The following SCAPER variants were observed in gnomAD, a reference collection of about 807,000 sequenced individuals.
SCAPER encodes S phase cyclin A-associated protein in the endoplasmic reticulum.
In SCAPER, 98 loss-of-function variants were observed where a neutral mutation model predicts 182.2. That is an observed-to-expected ratio of 0.54 (90% CI 0.46 to 0.64). The LOEUF (loss-of-function observed/expected upper bound fraction) is 0.64, where lower values mean the gene tolerates loss of function less well. Among genes scored for constraint, SCAPER ranks in the 30% least tolerant of loss-of-function variants. The pLI, the probability that SCAPER is intolerant of heterozygous loss-of-function variation, is 0.00. For synonymous variants in SCAPER, 605 were observed against 564.6 expected (o/e 1.07, Z -1.01); for missense variants, 1,432 against 1,690.0 (o/e 0.85, Z 2.68).
intron 21 of SCAPER, among the ~76,000 whole-genome samples, chr15:76,641,747 T>C (rs1259484404): frequency 4.6e-5 from 7 of 152,176 alleles, no homozygotes; most frequent in Non-Finnish European, 1.0e-4. Context: ...AAAATTTGCA[T>C]TTGGTAACAC....
At chr15:76,525,527 C>G (rs1393415109) in intron 23 of SCAPER, among the ~76,000 whole-genome samples, 2 of 152,120 alleles carry the variant, frequency 1.3e-5, no homozygotes, top group East Asian at 3.9e-4. Flanking sequence ...CCCCTCCCTC[C>G]CCTTCTAGTT....
At chr15:76,718,998 A>G (rs2060045882) in intron 17 of SCAPER, among the ~76,000 whole-genome samples, 1 of 152,142 alleles carries the variant, frequency 6.6e-6, no homozygotes, top group Non-Finnish European at 1.5e-5. Context: ...GGAGGTTTCT[A>G]AAGAAATTTA....
At chr15:76,421,279 CCTG>C (rs1262744545) in intron 26 of SCAPER, among the ~76,000 whole-genome samples, 2 of 152,306 alleles carry the variant, frequency 1.3e-5, no homozygotes, top group African/African-American at 4.8e-5. Context: ...CTCTCCAGCA[CCTG>C]CTGTTTCCTG....
intron 25 of SCAPER, among the ~76,000 whole-genome samples, chr15:76,444,065 G>A (rs1247526654): frequency 6.6e-6 from 1 of 152,174 alleles, no homozygotes; most frequent in Non-Finnish European, 1.5e-5. Context: ...CATGAGCAGA[G>A]TAACACCTGG....
chr15:76,468,578 C>T (rs2049874795), intron 25 of SCAPER, among the ~76,000 whole-genome samples: 1 of 152,080 alleles, frequency 6.6e-6, no homozygotes, highest in South Asian at 2.1e-4. Flanking sequence ...ATGGTTGGTA[C>T]TTAATAAATG....
At chr15:76,362,351 C>T (rs1178305637) in intron 29 of SCAPER, among the ~76,000 whole-genome samples, 1 of 151,562 alleles carries the variant, frequency 6.6e-6, no homozygotes, top group Non-Finnish European at 1.5e-5. Flanking sequence ...CTGACCATAC[C>T]AAACCATGAC....
At chr15:76,588,994 G>T (rs541275817) in intron 22 of SCAPER, among the ~76,000 whole-genome samples, 1 of 152,220 alleles carries the variant, frequency 6.6e-6, no homozygotes, top group East Asian at 1.9e-4. Flanking sequence ...GAGCTGAACT[G>T]TAGTGATTGT....
intron 23 of SCAPER, among the ~76,000 whole-genome samples, chr15:76,525,423 T>C (rs2043126779): frequency 6.6e-6 from 1 of 152,150 alleles, no homozygotes; most frequent in African/African-American, 2.4e-5. Flanking sequence ...GGGGAACATG[T>C]GTGGGTTACA....
intron 2 of SCAPER, among the ~76,000 whole-genome samples, chr15:76,865,971 A>G (rs2072261746): frequency 6.6e-6 from 1 of 152,110 alleles, no homozygotes; most frequent in African/African-American, 2.4e-5. Flanking sequence ...TAGATTTGCA[A>G]AAGTCACTTC....
chr15:76,621,164 A>G (rs544701811), intron 22 of SCAPER, among the ~76,000 whole-genome samples: 48 of 152,276 alleles, frequency 3.2e-4, no homozygotes, highest in African/African-American at 1.1e-3. Context: ...ACTCCCTTCA[A>G]TAGTGTTTCT....
At chr15:76,640,822 T>C (rs2054041358) in intron 21 of SCAPER, among the ~76,000 whole-genome samples, 1 of 152,170 alleles carries the variant, frequency 6.6e-6, no homozygotes, top group African/African-American at 2.4e-5. Context: ...CAATGCCAGG[T>C]TGGACTGCCA....
chr15:76,655,225 A>G (rs929573455), intron 21 of SCAPER, among the ~76,000 whole-genome samples: 66 of 152,242 alleles, frequency 4.3e-4, no homozygotes, highest in African/African-American at 1.6e-3. Context: ...GATACAGGCA[A>G]AAAACTCACT....
At chr15:76,806,584 G>A (rs368233745) in intron 5 of SCAPER, among the ~76,000 whole-genome samples, 1 of 152,174 alleles carries the variant, frequency 6.6e-6, no homozygotes, top group Non-Finnish European at 1.5e-5. Context: ...AGGGGGAAGG[G>A]AGCAATTGGA....
chr15:76,544,937 T>C (rs770716248), intron 23 of SCAPER, among the ~76,000 whole-genome samples: 12 of 152,208 alleles, frequency 7.9e-5, no homozygotes, highest in Non-Finnish European at 1.6e-4. Context: ...ATTTACAATA[T>C]AGTGGTGTCA....
At chr15:76,530,474 C>T (rs1018834435) in intron 23 of SCAPER, among the ~76,000 whole-genome samples, 9 of 152,164 alleles carry the variant, frequency 5.9e-5, no homozygotes, top group African/African-American at 2.2e-4. Flanking sequence ...TAAATGTGGT[C>T]TGAGAACGAG....
intron 23 of SCAPER, among the ~76,000 whole-genome samples, chr15:76,541,051 C>T (rs1194653028): frequency 5.3e-5 from 8 of 151,028 alleles, no homozygotes; most frequent in Non-Finnish European, 7.4e-5. Flanking sequence ...ACCCGGGAGG[C>T]GGAGGTTGCA....
At chr15:76,662,613 G>T (rs917340765) in intron 21 of SCAPER, among the ~76,000 whole-genome samples, 3 of 151,952 alleles carry the variant, frequency 2.0e-5, no homozygotes, top group Non-Finnish European at 4.4e-5. Context: ...TTTTTATCAA[G>T]GTTTCAAAAT....
chr15:76,466,392 C>A (rs2049617123), intron 25 of SCAPER, among the ~76,000 whole-genome samples: 1 of 76,518 alleles, frequency 1.3e-5, no homozygotes, highest in African/African-American at 4.5e-5. Flanking sequence ...CTATTGTATT[C>A]TTCAGTTCCA....
intron 22 of SCAPER, among the ~76,000 whole-genome samples, chr15:76,619,259 T>G (rs1163579204): frequency 3.3e-5 from 5 of 152,242 alleles, no homozygotes. Context: ...ATTTCAGTAT[T>G]TATCCTTTTT....
Sources: allele counts gnomAD v4.1 joint callset (sites outside exome capture counted in the v4.1 genomes callset), GRCh38; gene constraint gnomAD v4.1.1; transcripts MANE v1.5; gene names NCBI Gene and HGNC (gene_info 2026-07-23, HGNC 2026-07-21).